SYT1: variants seen among roughly 807,000 people sequenced by gnomAD.
The protein encoded by SYT1 is synaptotagmin 1, also known as synaptotagmin-1.
Under a neutral mutation model 44.8 loss-of-function variants are expected in SYT1, and 8 were observed. The ratio of observed to expected loss-of-function variants is 0.18; its 90% CI spans 0.10 to 0.32. The LOEUF is 0.32. SYT1 is among the 10% of genes least tolerant of loss of function. SYT1 has a pLI of 1.00. For synonymous variants in SYT1, 154 were observed against 188.8 expected, an observed-to-expected ratio of 0.82 and a Z score of 1.51; for missense variants, 286 against 509.3, an observed-to-expected ratio of 0.56 and a Z score of 4.22.
At chr12:79,221,670 A>T (rs1417505046) in intron 4 of SYT1, among the ~76,000 whole-genome samples, 1 of 152,188 alleles carries the variant, frequency 6.6e-6, no homozygotes, top group Non-Finnish European at 1.5e-5. Flanking sequence ...TGATCATGAA[A>T]AAACCTCTAC....
rs1875240887 is a variant in SYT1 at position 78,894,411 on chromosome 12, G to T, written c.-217+29302G>T. On this transcript the variant is annotated intron_variant, in intron 1 of 10. Transcript: ENST00000261205. ...GCAAATGTCTACAGCCTAAAATAAGGCTGGCAGAGACTTGTACCCAAGCCT... is the reference window on the plus strand; with the variant it reads ...GCAAATGTCTACAGCCTAAAATAAGTCTGGCAGAGACTTGTACCCAAGCCT... Among the ~76,000 whole-genome samples the T allele has an allele frequency of 2.4e-5, 3 of 123,924 alleles. No individual in the cohort carries two copies. In the South Asian group the frequency reaches 8.0e-4, roughly 33 times the overall value. 81.3% of individuals were successfully genotyped at this position (123,924 alleles called of 152,430 possible). A position where few individuals can be genotyped will look rare whatever the true frequency, so the allele number is the denominator to read the frequency against.
At chr12:79,203,612 C>T (rs961157329) in intron 3 of SYT1, among the ~76,000 whole-genome samples, 1 of 151,668 alleles carries the variant, frequency 6.6e-6, no homozygotes. Flanking sequence ...GTAATCTCCC[C>T]AAAGCAGTAC....
At chr12:79,444,874 G>GT (rs1371075426) in intron 10 of SYT1, among the ~76,000 whole-genome samples, 1 of 152,024 alleles carries the variant, frequency 6.6e-6, no homozygotes. Flanking sequence ...TCATTTAGGG[G>GT]TTTTTGAAAA....
intron 3 of SYT1, among the ~76,000 whole-genome samples, chr12:79,145,787 T>C (rs956657340): frequency 1.3e-5 from 2 of 151,166 alleles, no homozygotes; most frequent in African/African-American, 4.9e-5. Context: ...AGACGGAGTC[T>C]CGCTCTGTCG....
At chr12:78,960,149 T>C (rs2137333920) in intron 1 of SYT1, 1 of 152,360 alleles carries the variant, frequency 6.6e-6, no homozygotes, top group South Asian at 2.1e-4. Context: ...TATGTTTTTC[T>C]GGGAGTTATG....
At chr12:78,999,246 T>A (rs1592647339) in intron 2 of SYT1, among the ~76,000 whole-genome samples, 1 of 152,198 alleles carries the variant, frequency 6.6e-6, no homozygotes, top group East Asian at 1.9e-4. Flanking sequence ...TTTTTGAAAC[T>A]TCATTTGCAA....
chr12:79,314,739 A>T (rs986112104), intron 8 of SYT1, among the ~76,000 whole-genome samples: 1 of 152,226 alleles, frequency 6.6e-6, no homozygotes, highest in African/African-American at 2.4e-5. Flanking sequence ...ATGGAAACTC[A>T]TGTATACACA....
At chr12:78,925,064 A>C (rs1429908383) in intron 1 of SYT1, among the ~76,000 whole-genome samples, 2 of 151,922 alleles carry the variant, frequency 1.3e-5, no homozygotes, top group East Asian at 3.9e-4. Flanking sequence ...TTATGAGTAT[A>C]TGTGTCACTA....
At chr12:79,420,013 G>T (rs182224832) in intron 9 of SYT1, among the ~76,000 whole-genome samples, 1 of 152,032 alleles carries the variant, frequency 6.6e-6, no homozygotes, top group Non-Finnish European at 1.5e-5. Flanking sequence ...TTAAAGTAAC[G>T]TTGTTACTTT....
At chr12:79,254,642 A>C (rs1458925610) in intron 4 of SYT1, among the ~76,000 whole-genome samples, 1 of 152,236 alleles carries the variant, frequency 6.6e-6, no homozygotes, top group Non-Finnish European at 1.5e-5. Flanking sequence ...AGCTGAGGAA[A>C]GTAAACTGAA....
At chr12:79,423,596 T>C (rs527391901) in intron 9 of SYT1, among the ~76,000 whole-genome samples, 2 of 152,212 alleles carry the variant, frequency 1.3e-5, no homozygotes, top group East Asian at 3.9e-4. Context: ...CTCTTACTCT[T>C]GGCTAAAAAA....
intron 3 of SYT1, among the ~76,000 whole-genome samples, chr12:79,107,355 T>A (rs1878775731): frequency 6.6e-6 from 1 of 151,936 alleles, no homozygotes; most frequent in Admixed American, 6.6e-5. Context: ...TTACAAAATT[T>A]GATCAACAAT....
intron 1 of SYT1, among the ~76,000 whole-genome samples, chr12:78,889,786 CTT>C (rs1418808771): frequency 1.4e-4 from 21 of 151,924 alleles, no homozygotes; most frequent in Non-Finnish European, 2.9e-4. Context: ...GATTTAAACA[CTT>C]TTGGATTTTG....
intron 2 of SYT1, among the ~76,000 whole-genome samples, chr12:78,985,662 T>G (rs946419414): frequency 2.0e-5 from 3 of 151,856 alleles, no homozygotes; most frequent in South Asian, 2.1e-4. Context: ...CTAAAAATTT[T>G]GGGACTTATT....
intron 3 of SYT1, among the ~76,000 whole-genome samples, chr12:79,146,778 G>A (rs1420495597): frequency 6.6e-6 from 1 of 152,056 alleles, no homozygotes. Flanking sequence ...GATCTGACCT[G>A]GGTTTTAAAA....
At chr12:79,090,028 C>T (rs1358268403) in intron 3 of SYT1, among the ~76,000 whole-genome samples, 3 of 152,044 alleles carry the variant, frequency 2.0e-5, no homozygotes, top group Non-Finnish European at 4.4e-5. Context: ...TGTGGGCTAA[C>T]ACCCTAGTGA....
intron 1 of SYT1, among the ~76,000 whole-genome samples, chr12:78,912,550 T>A (rs907555487): frequency 3.3e-5 from 5 of 151,842 alleles, no homozygotes; most frequent in Admixed American, 1.3e-4. Flanking sequence ...AATCTGGATA[T>A]CAATTTTAGG....
chr12:79,074,286 C>T (rs1414038188), intron 3 of SYT1, among the ~76,000 whole-genome samples: 1 of 152,164 alleles, frequency 6.6e-6, no homozygotes, highest in African/African-American at 2.4e-5. Context: ...CAGCCCTCAT[C>T]TCCACACAGC....
intron 3 of SYT1, among the ~76,000 whole-genome samples, chr12:79,122,533 A>AAAAAAAG (rs1565816049): frequency 1.3e-5 from 2 of 150,168 alleles, no homozygotes; most frequent in African/African-American, 4.9e-5. Context: ...AAAAAAAAAA[A>AAAAAAAG]AGAGATTCAT....
Sources: gnomAD v4.1 joint callset for allele counts (sites outside exome capture counted in the v4.1 genomes callset) on GRCh38, gnomAD v4.1.1 for gene constraint, MANE v1.5 for transcripts, NCBI Gene and HGNC (gene_info 2026-07-23, HGNC 2026-07-21) for gene names.